The following TIAM2 variants were observed in gnomAD, a reference collection of about 807,000 sequenced individuals.
TIAM2 encodes rho guanine nucleotide exchange factor TIAM2.
A neutral mutation model predicts 152.9 loss-of-function variants in TIAM2; 80 were observed. The ratio of observed to expected loss-of-function variants is 0.52; its 90% CI spans 0.44 to 0.63. TIAM2 has a LOEUF of 0.63. TIAM2 is among the 30% of genes least tolerant of loss of function. The pLI is 0.00. For missense variants in TIAM2, 1,965 were observed against 2,120.1 expected (o/e 0.93, Z 1.44); for synonymous variants, 804 against 838.0 (o/e 0.96, Z 0.70).
intron 1 of TIAM2, among the ~76,000 whole-genome samples, chr6:154,997,240 A>G (rs925589293): frequency 2.0e-5 from 3 of 152,188 alleles, no homozygotes; most frequent in Admixed American, 1.3e-4. Flanking sequence ...TCAGTCAAAT[A>G]CCTTCTCTAG....
In TIAM2 at chr6:155,256,923, A is replaced by T. The variant is rs1480658649; in HGVS notation, c.4908A>T (p.Lys1636Asn). The stretch of plus-strand genomic sequence containing the variant: ...TCCGGGGGCACTTCTGCCCCATTAA[A>T]CGAAAAGCCAACAGCACCAAGAGGG... ...KLVRGHFCPI[K>N]RKANSTKRDR... The change falls in exon 27 of 27, where the codon AAA becomes AAT. Residue 1636 changes from lysine (K) to asparagine (N), a missense_variant. Around this residue, in one of 3 missense-constraint regions of TIAM2, gnomAD observed 935 missense variants for 980.0 expected, o/e 0.95. Coordinates refer to ENST00000682666, the MANE Select transcript of TIAM2 (RefSeq NM_012454.4). 1.2e-6 allele frequency: 2 copies of T among 1,614,176 alleles called. No individual in the cohort carries two copies. Among genetic ancestry groups the T allele is most frequent in the East Asian group, 4.5e-5 (2 of 44,882 alleles).
intron 1 of TIAM2, among the ~76,000 whole-genome samples, chr6:155,052,694 A>AGGTG (rs1777343854): frequency 6.6e-6 from 1 of 150,728 alleles, no homozygotes; most frequent in Non-Finnish European, 1.5e-5. Context: ...TGAACCCAGG[A>AGGTG]GGTGGAGGTT....
chr6:155,072,207 A>G (rs1777854022), intron 1 of TIAM2, among the ~76,000 whole-genome samples: 1 of 152,200 alleles, frequency 6.6e-6, no homozygotes, highest in Non-Finnish European at 1.5e-5. Flanking sequence ...GAAAGGTTTC[A>G]AACTCGAGCA....
intron 7 of TIAM2, among the ~76,000 whole-genome samples, chr6:155,160,162 G>T (rs1415591892): frequency 1.3e-5 from 2 of 152,192 alleles, no homozygotes; most frequent in African/African-American, 4.8e-5. Context: ...TGAGTCTAAG[G>T]CATGAGAATG....
chr6:155,158,768 G>T (rs953669743), intron 7 of TIAM2, among the ~76,000 whole-genome samples: 1 of 132,724 alleles, frequency 7.5e-6, no homozygotes, highest in Non-Finnish European at 1.6e-5. Context: ...CGTTGACCAG[G>T]CTGCAAGTGT....
chr6:155,210,439 C>T (rs1781692771), intron 14 of TIAM2, among the ~76,000 whole-genome samples: 5 of 151,844 alleles, frequency 3.3e-5, no homozygotes, highest in South Asian at 2.1e-4. Context: ...CTGCCTCAGC[C>T]GTCCAAGTAG....
intron 2 of TIAM2, among the ~76,000 whole-genome samples, chr6:155,104,699 G>T (rs1057031881): frequency 6.6e-6 from 1 of 150,728 alleles, no homozygotes; most frequent in African/African-American, 2.4e-5. Context: ...GGAGGTTGCC[G>T]TGAGCCGAGA....
chr6:155,033,937 G>A (rs1338950804), intron 1 of TIAM2, among the ~76,000 whole-genome samples: 3 of 151,892 alleles, frequency 2.0e-5, no homozygotes, highest in Admixed American at 1.3e-4. Flanking sequence ...GGCTGGTCTC[G>A]AACTCCTGAC....
chr6:155,206,544 T>C lies in TIAM2; in HGVS notation c.3065-4660T>C, dbSNP rs1450854535. Among the ~76,000 whole-genome samples, 8 of 152,150 alleles carry C rather than the reference T, an allele frequency of 5.3e-5. No individual in the cohort carries two copies. The East Asian group carries it at 1.5e-3, about 29-fold the overall frequency. The stretch of plus-strand genomic sequence containing the variant: ...ACCACTGTGCCCAGCCCACAGCATG[T>C]TGATTAAAGGAGAGAGATGGCCGAG... On this transcript the variant is annotated intron_variant, in intron 14 of 26. Coordinates refer to ENST00000682666, the MANE Select transcript of TIAM2 (RefSeq NM_012454.4).
At position 155,111,307 on chromosome 6, in the gene TIAM2, ACACACACACACAC is replaced by A. The variant is rs1562319618; in HGVS notation, c.-117-16182_-117-16170del. ...CCATATATTCTTGGAATACACACAC[ACACACACACACAC>A]ACACACACACACACACACTCTCCGT... is the stretch of plus-strand genomic sequence containing the variant. On this transcript the variant is annotated intron_variant, in intron 2 of 26. Coordinates refer to ENST00000682666, the MANE Select transcript of TIAM2 (RefSeq NM_012454.4). Among the ~76,000 whole-genome samples the A allele has an allele frequency of 3.5e-3, 281 of 80,548 alleles. 1 individual carries two copies. The highest frequency in any genetic ancestry group is 0.017 in the African/African-American group (264 of 15,624). 52.8% of individuals were successfully genotyped at this position (80,548 alleles called of 152,430 possible).
In TIAM2 at chr6:155,149,243, G is replaced by C. The variant is rs561959437; in HGVS notation, c.2028+909G>C. On this transcript the variant is annotated intron_variant, in intron 7 of 26. Coordinates refer to ENST00000682666, the MANE Select transcript of TIAM2 (RefSeq NM_012454.4). ...TCAATAGAGGTGAGTTACCACGAGG[G>C]GATCTGTGTGTGAGCTGGGAAAAGG... is the stretch of plus-strand genomic sequence containing the variant. 3 of 167,266 alleles carry C rather than the reference G, an allele frequency of 1.8e-5. No homozygotes were observed. In the Admixed American group the frequency reaches 2.0e-4, roughly 11 times the overall value. 10.4% of individuals were successfully genotyped at this position (167,266 alleles called of 1,614,324 possible).
chr6:155,216,994 C>G, intron 15 of TIAM2: 1 of 1,261,394 alleles, frequency 7.9e-7, no homozygotes, highest in Non-Finnish European at 1.0e-6. Context: ...GGAGAGACAA[C>G]GTGTGTCTTA....
intron 1 of TIAM2, among the ~76,000 whole-genome samples, chr6:155,029,729 ATATAG>A (rs1776785408): frequency 7.2e-6 from 1 of 139,768 alleles, no homozygotes; most frequent in African/African-American, 2.7e-5. Flanking sequence ...TTATATAACT[ATATAG>A]TATATAACTA....
chr6:155,150,868 C>T (rs1248936349), intron 7 of TIAM2, among the ~76,000 whole-genome samples: 2 of 152,108 alleles, frequency 1.3e-5, no homozygotes, highest in Non-Finnish European at 2.9e-5. Context: ...GACTGTCGTG[C>T]GCAGTGGATT....
At chr6:155,010,177 G>T (rs1048278746) in intron 1 of TIAM2, among the ~76,000 whole-genome samples, 1 of 152,154 alleles carries the variant, frequency 6.6e-6, no homozygotes, top group African/African-American at 2.4e-5. Context: ...TTAGAGAGTG[G>T]AAAGAATCTA....
In TIAM2 at chr6:155,257,021, A is replaced by G; in HGVS notation, c.5006A>G (p.Asp1669Gly). 6.2e-7 allele frequency: 1 copy of G among 1,614,146 alleles called. No homozygotes were observed. The highest frequency in any genetic ancestry group is 8.5e-7 in the Non-Finnish European group (1 of 1,180,008). The change falls in exon 27 of 27, where the codon GAC becomes GGC. Residue 1669 changes from aspartate to glycine, a missense_variant. Physicochemically the swap from Asp to Gly is moderately conservative, Grantham distance 94 (BLOSUM62 -1). Around this residue, in one of 3 missense-constraint regions of TIAM2, gnomAD observed 935 missense variants for 980.0 expected, o/e 0.95. Coordinates refer to ENST00000682666, the MANE Select transcript of TIAM2 (RefSeq NM_012454.4). ...AGTCAGTCTGAAAATGCCACCATCG[A>G]CCTAAATTCTGTTCTAGAGCGAGAA... ...LDSQSENATI[D>G]LNSVLEREFS...
In TIAM2 at chr6:155,153,574, G is replaced by A. The variant is rs554628869; in HGVS notation, c.2028+5240G>A. Among the ~76,000 whole-genome samples, 7 of 150,698 alleles carry A rather than the reference G, an allele frequency of 4.6e-5. No individual in the cohort carries two copies. In the South Asian group the frequency reaches 1.3e-3, roughly 27 times the overall value. Reference sequence around the variant, plus strand: ...AGCCTGAGTTATGTTTGCTGTGCCCGCTGTCCTTGCATCCTTTGTCAGCAG... The same window carrying A: ...AGCCTGAGTTATGTTTGCTGTGCCCACTGTCCTTGCATCCTTTGTCAGCAG... On this transcript the variant is annotated intron_variant, in intron 7 of 26. Transcript: ENST00000682666.
At chr6:155,028,311 T>G (rs189297985) in intron 1 of TIAM2, among the ~76,000 whole-genome samples, 2 of 115,144 alleles carry the variant, frequency 1.7e-5, no homozygotes, top group African/African-American at 3.8e-5. Context: ...ATATATGTAC[T>G]GTGTTACATA....
intron 1 of TIAM2, among the ~76,000 whole-genome samples, chr6:155,000,271 A>T (rs1778290853): frequency 6.6e-6 from 1 of 152,150 alleles, no homozygotes; most frequent in Non-Finnish European, 1.5e-5. Context: ...GCGGTGGCTC[A>T]CGCCTATAAT....
Sources: allele counts gnomAD v4.1 joint callset (sites outside exome capture counted in the v4.1 genomes callset), GRCh38; gene constraint gnomAD v4.1.1; regional missense constraint gnomAD v4.1.1; transcripts MANE v1.5; gene names NCBI Gene and HGNC (gene_info 2026-07-23, HGNC 2026-07-21).